EFCAB5: variants seen among roughly 807,000 people sequenced by gnomAD.
The protein encoded by EFCAB5 is EF-hand calcium binding domain 5.
Under a neutral mutation model 167.9 loss-of-function variants are expected in EFCAB5, and 131 were observed. The ratio of observed to expected loss-of-function variants is 0.78; its 90% CI spans 0.68 to 0.90. The LOEUF is 0.90. Among genes scored for constraint, EFCAB5 ranks in the 40% least tolerant of loss-of-function variants. The pLI is 0.00. For missense variants in EFCAB5, 1,663 were observed against 1,745.2 expected, an observed-to-expected ratio of 0.95 and a Z score of 0.84; for synonymous variants, 574 against 602.8, an observed-to-expected ratio of 0.95 and a Z score of 0.70.
chr17:29,970,034 T>C (rs76042112), intron 4 of EFCAB5, among the ~76,000 whole-genome samples: 9,051 of 152,274 alleles, frequency 0.059, 507 homozygotes, highest in African/African-American at 0.15. Context: ...TTTCAAAATA[T>C]TAAAAGAATT....
chr17:30,057,591 T>C (rs2070306807), intron 12 of EFCAB5, 85 bp from the exon 13 acceptor site: 1 of 1,123,158 alleles, frequency 8.9e-7, no homozygotes, highest in Admixed American at 2.1e-5. Flanking sequence ...AAATGGCAGA[T>C]ATTCATTACA....
At chr17:30,024,397 A>C (rs183766293) in intron 7 of EFCAB5, among the ~76,000 whole-genome samples, 22 of 152,236 alleles carry the variant, frequency 1.4e-4, no homozygotes, top group East Asian at 3.9e-4. Context: ...AACAGACAAA[A>C]AGAGAGCCAA....
intron 7 of EFCAB5, among the ~76,000 whole-genome samples, chr17:30,022,801 G>A (rs1373275742): frequency 2.0e-5 from 3 of 152,152 alleles, no homozygotes; most frequent in Non-Finnish European, 4.4e-5. Flanking sequence ...ACTAGCAAAT[G>A]TAAAAGAACA....
At position 30,053,639 on chromosome 17, in the gene EFCAB5, T is replaced by A. The variant is rs867019357; in HGVS notation, c.1685T>A (p.Leu562Ter). ...STLEQGSSRRLLTEQETHRES... is the reference protein window; with the variant it reads ...STLEQGSSRR ...CTAGAACAAGGGTCAAGTAGAAGGT[T>A]ACTGACAGAACAAGAAACACACAGA... is the stretch of plus-strand genomic sequence containing the variant. Residue 562 changes from leucine (L) to a stop codon, truncating the protein, a stop_gained, in exon 10 of 23, where the codon TTA becomes TAA. Coordinates refer to ENST00000394835, the MANE Select transcript of EFCAB5 (RefSeq NM_198529.4). LOFTEE classifies it high-confidence loss of function. The A allele has an allele frequency of 6.2e-7, 1 of 1,613,734 alleles. No individual in the cohort carries two copies. The highest frequency in any genetic ancestry group is 8.5e-7 in the Non-Finnish European group (1 of 1,179,842).
At chr17:29,945,696 A>G (rs2151522240) in intron 3 of EFCAB5, among the ~76,000 whole-genome samples, 2 of 152,300 alleles carry the variant, frequency 1.3e-5, no homozygotes, top group Middle Eastern at 6.8e-3. Flanking sequence ...CCAAATACCT[A>G]CAACCAAACT....
chr17:29,958,827 G>T (rs2067666285), intron 3 of EFCAB5, among the ~76,000 whole-genome samples: 1 of 152,198 alleles, frequency 6.6e-6, no homozygotes, highest in Admixed American at 6.5e-5. Context: ...TTCAGTCACT[G>T]CAGCCATATC....
Position 30,054,167 on chromosome 17 carries a change from T to C in EFCAB5, c.2194+19T>C. The C allele has an allele frequency of 1.3e-6, 2 of 1,505,530 alleles. No individual in the cohort carries two copies. The highest frequency in any genetic ancestry group is 1.8e-6 in the Non-Finnish European group (2 of 1,129,554). 93.3% of individuals were successfully genotyped at this position (1,505,530 alleles called of 1,614,324 possible). A position where few individuals can be genotyped will look rare whatever the true frequency, so the allele number is the denominator to read the frequency against. On this transcript the variant is annotated intron_variant, in intron 10 of 22. Transcript: ENST00000394835. ...TTTCCAGGTAGTAATGCAGTTCTTCTACAACATCAGTTCCCTGTTTTGTGG... is the reference window on the plus strand; with the variant it reads ...TTTCCAGGTAGTAATGCAGTTCTTCCACAACATCAGTTCCCTGTTTTGTGG...
At chr17:30,041,580 T>C (rs910343410) in intron 8 of EFCAB5, among the ~76,000 whole-genome samples, 12 of 152,312 alleles carry the variant, frequency 7.9e-5, no homozygotes, top group African/African-American at 2.6e-4. Flanking sequence ...TTTAGATTAT[T>C]ACATAAACTT....
At chr17:29,969,805 T>G (rs1303368038) in intron 4 of EFCAB5, among the ~76,000 whole-genome samples, 3 of 152,210 alleles carry the variant, frequency 2.0e-5, no homozygotes, top group African/African-American at 7.2e-5. Flanking sequence ...ACTACTATTC[T>G]TAATTTTCTA....
chr17:29,993,348 AGGTAGGTGG>A (rs1336094940), intron 5 of EFCAB5, 27 bp downstream of exon 5: 1 of 1,599,386 alleles, frequency 6.3e-7, no homozygotes, highest in Non-Finnish European at 8.5e-7. Flanking sequence ...TATATGTGAA[AGGTAGGTGG>A]GGTAAGTGGT....
intron 3 of EFCAB5, among the ~76,000 whole-genome samples, chr17:29,947,251 G>A (rs559526878): frequency 6.2e-4 from 94 of 152,048 alleles, no homozygotes; most frequent in Admixed American, 1.6e-3. Context: ...AGAATGAAAT[G>A]ATATCTTTTC....
Position 29,943,618 on chromosome 17 carries a change from G to T in EFCAB5, c.159G>T (p.Val53=). The T allele has an allele frequency of 6.3e-7, 1 of 1,584,810 alleles. No homozygotes were observed. The highest frequency in any genetic ancestry group is 2.3e-5 in the East Asian group (1 of 43,738). ...VPVKEDTNSV[V]EKAMDEIKSQ... The stretch of plus-strand genomic sequence containing the variant: ...TAAAAGAGGACACCAACAGTGTGGT[G>T]GAGAAAGCAATGGATGAAATCAAAT... The change falls in exon 3 of 23, where the codon GTG becomes GTT. Residue 53 remains valine (V), a synonymous_variant. Coordinates refer to ENST00000394835, the MANE Select transcript of EFCAB5 (RefSeq NM_198529.4).
At chr17:29,976,903 G>C (rs952829952) in intron 4 of EFCAB5, among the ~76,000 whole-genome samples, 1 of 152,064 alleles carries the variant, frequency 6.6e-6, no homozygotes, top group African/African-American at 2.4e-5. Flanking sequence ...TTTTTATAGT[G>C]GTAGCCACTA....
intron 7 of EFCAB5, among the ~76,000 whole-genome samples, chr17:30,006,522 T>C (rs1449104554): frequency 6.6e-6 from 1 of 152,242 alleles, no homozygotes; most frequent in Non-Finnish European, 1.5e-5. Flanking sequence ...CATATCACTA[T>C]GTTTATTAAA....
chr17:30,002,466 G>A (rs2068682632), intron 7 of EFCAB5, among the ~76,000 whole-genome samples: 1 of 152,094 alleles, frequency 6.6e-6, no homozygotes, highest in Non-Finnish European at 1.5e-5. Context: ...GCCAGTTCAG[G>A]GGAAATGTAG....
At position 30,080,801 on chromosome 17, in the gene EFCAB5, G is replaced by A; in HGVS notation, c.3246G>A (p.Gln1082=). 6.2e-7 allele frequency: 1 copy of A among 1,612,490 alleles called. No homozygotes were observed. The highest frequency in any genetic ancestry group is 8.5e-7 in the Non-Finnish European group (1 of 1,179,296). The change falls in exon 17 of 23, where the codon CAG becomes CAA. Residue 1082 remains glutamine, a synonymous_variant. Coordinates refer to ENST00000394835, the MANE Select transcript of EFCAB5 (RefSeq NM_198529.4). ...EGKPIHVPQV[Q]YHGNIFFWNQ... ...AGCCAATCCATGTTCCCCAAGTTCA[G>A]TACCATGGGAACATCTTCTTCTGGA...
chr17:30,066,697 C>A (rs2151810274), intron 14 of EFCAB5, among the ~76,000 whole-genome samples: 1 of 150,922 alleles, frequency 6.6e-6, no homozygotes, highest in African/African-American at 2.4e-5. Context: ...CAATTGAGAC[C>A]AAAAAATAAC....
chr17:30,050,210 C>T (rs950994601), intron 8 of EFCAB5, among the ~76,000 whole-genome samples: 1 of 151,974 alleles, frequency 6.6e-6, no homozygotes, highest in African/African-American at 2.4e-5. Flanking sequence ...TCTCTGTTCA[C>T]CGCAACCTCC....
At chr17:29,969,457 A>C in intron 4 of EFCAB5, 90 bp downstream of exon 4, 2 of 1,138,026 alleles carry the variant, frequency 1.8e-6, no homozygotes, top group Non-Finnish European at 1.2e-6. Flanking sequence ...CAGGACTTAA[A>C]ACAAGTGATT....
Sources: gnomAD v4.1 joint callset for allele counts (sites outside exome capture counted in the v4.1 genomes callset) on GRCh38, gnomAD v4.1.1 for gene constraint, MANE v1.5 for transcripts, NCBI Gene and HGNC (gene_info 2026-07-23, HGNC 2026-07-21) for gene names.